HTD2: variants seen among roughly 807,000 people sequenced by gnomAD.
The protein encoded by HTD2 is hydroxyacyl-thioester dehydratase type 2, also known as hydroxyacyl-thioester dehydratase type 2, mitochondrial.
In HTD2, 1 loss-of-function variant was observed where a neutral mutation model predicts 3.1. The ratio of observed to expected loss-of-function variants is 0.32; its 90% CI spans 0.11 to 1.52. The LOEUF (loss-of-function observed/expected upper bound fraction) is 1.52. Ranked by LOEUF, HTD2 falls within the 40% of genes most tolerant of loss-of-function variation. The pLI, the probability that HTD2 is intolerant of heterozygous loss-of-function variation, is 0.39. For synonymous variants in HTD2, 50 were observed against 28.9 expected (o/e 1.73, Z -2.34); for missense variants, 150 against 79.6 (o/e 1.88, Z -3.36).
rs1038489890 is a variant in HTD2, at chr3:58,316,591, G to T, written c.-254G>T. 1 of 1,612,930 alleles carries T rather than the reference G, an allele frequency of 6.2e-7. No homozygotes were observed. Among genetic ancestry groups the T allele is most frequent in the African/African-American group, 1.3e-5 (1 of 74,926 alleles). ...TCAGCCATCTTGAGAATATGTAGCA[G>T]GTATGACAGAGAGTGGGAAATTTCT... On this transcript the variant is annotated splice_region_variant and 5_prime_UTR_variant, in exon 3 of 5. Coordinates refer to ENST00000461393, the MANE Select transcript of HTD2 (RefSeq NM_001348712.2).
rs796240550 is a variant in HTD2 at position 58,316,218 on chromosome 3, A to G, written c.-330-297A>G. Among the ~76,000 whole-genome samples, 16 of 152,338 alleles carry G rather than the reference A, an allele frequency of 1.1e-4. No individual in the cohort carries two copies. In the South Asian group the frequency reaches 2.1e-3, roughly 20 times the overall value. On this transcript the variant is annotated intron_variant, in intron 2 of 4. Transcript: ENST00000461393. ...TAAAGGGAATTATGAAAGAGAAAGT[A>G]TGGTGTCCTGTACAAGAAAGAACAT...
At chr3:58,306,674 T>C (rs1444026392) in intron 1 of HTD2, 23 bp downstream of exon 1, 1 of 152,216 alleles carries the variant, frequency 6.6e-6, no homozygotes, top group Non-Finnish European at 1.5e-5. Context: ...TAGTGGTTGT[T>C]GAAAAATATT....
rs1253507973 is a variant in HTD2, at chr3:58,317,813, A to T, written c.200A>T (p.His67Leu). Residue 67 changes from histidine (H) to leucine (L), a missense_variant, in exon 5 of 5, where the codon CAT (histidine) becomes CTT (leucine). Coordinates refer to ENST00000461393, the MANE Select transcript of HTD2 (RefSeq NM_001348712.2). ...SELTGDVNPL[H>L]LNEDFAKHTK... ...TTAACAGGGGATGTCAATCCTTTGC[A>T]TTTGAATGAAGACTTTGCAAAACAC... 1 of 703,056 alleles carries T rather than the reference A, an allele frequency of 1.4e-6. No homozygotes were observed. Among genetic ancestry groups the T allele is most frequent in the Non-Finnish European group, 2.6e-6 (1 of 385,008 alleles). 43.6% of individuals were successfully genotyped at this position (703,056 alleles called of 1,614,324 possible).
At chr3:58,310,362 A>G in intron 1 of HTD2, 145 bp from the exon 2 acceptor site, 3 of 1,614,228 alleles carry the variant, frequency 1.9e-6, no homozygotes, top group Non-Finnish European at 2.5e-6. Flanking sequence ...ATGAAAGAGT[A>G]GTTTACAAAA....
Position 58,310,604 on chromosome 3 carries a change from T to C in HTD2, c.-331+13T>C. On this transcript the variant is annotated intron_variant, in intron 2 of 4. Transcript: ENST00000461393. ...CCTGTTTGGGGAGGTATGGAATCAC[T>C]TGGTAGATTGAACATTCCAAAGATC... The C allele has an allele frequency of 1.3e-6, 2 of 1,594,976 alleles. No individual in the cohort carries two copies. Among genetic ancestry groups the C allele is most frequent in the Middle Eastern group, 3.4e-4 (2 of 5,966 alleles).
At chr3:58,308,806 G>T (rs2097478630) in intron 1 of HTD2, among the ~76,000 whole-genome samples, 1 of 152,148 alleles carries the variant, frequency 6.6e-6, no homozygotes, top group Non-Finnish European at 1.5e-5. Context: ...TTAAGAGATT[G>T]CATAACATGG....
At chr3:58,314,675 A>ATTTTTTTTTTTTTTTTT (rs751757663) in intron 2 of HTD2, among the ~76,000 whole-genome samples, 7 of 90,562 alleles carry the variant, frequency 7.7e-5, no homozygotes, top group Non-Finnish European at 5.8e-5. Context: ...GTTTGGCAGT[A>ATTTTTTTTTTTTTTTTT]TTTTTTTTTT....
chr3:58,310,561 T>G lies in HTD2; in HGVS notation c.-361T>G. The stretch of plus-strand genomic sequence containing the variant: ...ATGCTGCACAGTTCAAACAGCTGCT[T>G]ATTTCGGCTGTGAAGGACCTGTTTG... On this transcript the variant is annotated 5_prime_UTR_variant, in exon 2 of 5. It introduces an in-frame stop codon into an upstream open reading frame of the 5' UTR. Coordinates refer to ENST00000461393, the MANE Select transcript of HTD2 (RefSeq NM_001348712.2). The G allele has an allele frequency of 6.2e-7, 1 of 1,613,342 alleles. No individual in the cohort carries two copies. Among genetic ancestry groups the G allele is most frequent in the Non-Finnish European group, 8.5e-7 (1 of 1,179,788 alleles).
At position 58,310,543 on chromosome 3, in the gene HTD2, A is replaced by T. The variant is rs141696875; in HGVS notation, c.-379A>T. 1.3e-4 allele frequency: 205 copies of T among 1,612,866 alleles called. 1 individual carries two copies. The highest frequency in any genetic ancestry group is 2.3e-5 in the Non-Finnish European group (27 of 1,179,800). Reference sequence around the variant, plus strand: ...ATTGTGGAGTTGGACTGAATGCTGCACAGTTCAAACAGCTGCTTATTTCGG... The same window carrying T: ...ATTGTGGAGTTGGACTGAATGCTGCTCAGTTCAAACAGCTGCTTATTTCGG... On this transcript the variant is annotated 5_prime_UTR_variant, in exon 2 of 5. Coordinates refer to ENST00000461393, the MANE Select transcript of HTD2 (RefSeq NM_001348712.2).
At chr3:58,306,767 C>A (rs2097475443) in intron 1 of HTD2, 116 bp downstream of exon 1, 1 of 152,010 alleles carries the variant, frequency 6.6e-6, no homozygotes, top group Non-Finnish European at 1.5e-5. Context: ...CGTCGCACGC[C>A]CACTGTGCAC....
chr3:58,313,248 G>A (rs1350767897), intron 2 of HTD2, among the ~76,000 whole-genome samples: 1 of 152,124 alleles, frequency 6.6e-6, no homozygotes, highest in East Asian at 1.9e-4. Context: ...GACAGAGCGA[G>A]ACTCGGTCTC....
At chr3:58,308,291 T>C (rs1432541023) in intron 1 of HTD2, among the ~76,000 whole-genome samples, 1 of 152,100 alleles carries the variant, frequency 6.6e-6, no homozygotes, top group Non-Finnish European at 1.5e-5. Context: ...ATTTTTTGTT[T>C]GTTTGTTTTG....
At position 58,317,724 on chromosome 3, in the gene HTD2, A is replaced by C; in HGVS notation, c.111A>C (p.Lys37Asn). Residue 37 changes from lysine to asparagine, a missense_variant, in exon 5 of 5, where the codon AAA (lysine) becomes AAC (asparagine). Lys to Asn is a moderately conservative substitution (Grantham distance 94). Coordinates refer to ENST00000461393, the MANE Select transcript of HTD2 (RefSeq NM_001348712.2). Reference protein sequence around the residue: ...TLQHFQHMHIKVGDRAELRRA... With the variant: ...TLQHFQHMHINVGDRAELRRA... ...AGCACTTTCAGCATATGCACATCAA[A>C]GTTGGAGACCGCGCTGAACTTAGGA... 4.3e-6 allele frequency: 3 copies of C among 703,764 alleles called. No individual in the cohort carries two copies. The highest frequency in any genetic ancestry group is 5.2e-6 in the Non-Finnish European group (2 of 385,048). The allele number at this position is 703,764 out of a possible 1,614,324, so 43.6% of individuals were successfully genotyped here.
At chr3:58,309,647 T>G (rs2097479889) in intron 1 of HTD2, among the ~76,000 whole-genome samples, 1 of 152,194 alleles carries the variant, frequency 6.6e-6, no homozygotes, top group African/African-American at 2.4e-5. Flanking sequence ...ATACCGGCAC[T>G]CTGGGAGGCC....
chr3:58,311,755 C>G (rs1219899607), intron 2 of HTD2, among the ~76,000 whole-genome samples: 3 of 151,412 alleles, frequency 2.0e-5, no homozygotes, highest in Non-Finnish European at 2.9e-5. Context: ...GCTGGGATGA[C>G]AGCATGAGCC....
Position 58,317,886 on chromosome 3 carries a change from TATCTC to T in HTD2, c.275_279del (p.Ile92SerfsTer6), listed in dbSNP as rs1247060652. Reference sequence around the variant, plus strand: ...TACATGGAGTTTTGATCAACGGACTTATCTCAGCTCTCCTAGGAACTAAAATGCCA... The same window carrying T: ...TACATGGAGTTTTGATCAACGGACTTAGCTCTCCTAGGAACTAAAATGCCA... On this transcript the variant is annotated frameshift_variant, in exon 5 of 5. Transcript: ENST00000461393. LOFTEE classifies it high-confidence loss of function. 5 of 702,934 alleles carry T rather than the reference TATCTC, an allele frequency of 7.1e-6. No homozygotes were observed. The highest frequency in any genetic ancestry group is 2.0e-5 in the Admixed American group (1 of 49,994). 43.5% of individuals were successfully genotyped at this position (702,934 alleles called of 1,614,324 possible).
chr3:58,314,735 A>C (rs1018149454), intron 2 of HTD2, among the ~76,000 whole-genome samples: 1 of 120,268 alleles, frequency 8.3e-6, no homozygotes, highest in African/African-American at 3.3e-5. Context: ...ACCGGGCTGG[A>C]GTGCAGTGGC....
chr3:58,309,074 G>A (rs1234023601), intron 1 of HTD2, among the ~76,000 whole-genome samples: 3 of 152,208 alleles, frequency 2.0e-5, no homozygotes, highest in Non-Finnish European at 4.4e-5. Context: ...TTCACAGATA[G>A]TCTTGCACAG....
At chr3:58,315,379 T>G (rs534215668) in intron 2 of HTD2, among the ~76,000 whole-genome samples, 1 of 143,274 alleles carries the variant, frequency 7.0e-6, no homozygotes, top group Non-Finnish European at 1.5e-5. Flanking sequence ...GGGTGAGGAG[T>G]AGGGGAGGAG....
Sources: allele counts gnomAD v4.1 joint callset (sites outside exome capture counted in the v4.1 genomes callset), GRCh38; gene constraint gnomAD v4.1.1; transcripts MANE v1.5; gene names NCBI Gene and HGNC (gene_info 2026-07-23, HGNC 2026-07-21).